The following CPT1A variants were observed in gnomAD, a reference collection of about 807,000 sequenced individuals.
The protein encoded by CPT1A is carnitine palmitoyltransferase 1A, also known as carnitine O-palmitoyltransferase 1, liver isoform.
A neutral mutation model predicts 100.8 loss-of-function variants in CPT1A; 64 were observed. That is an observed-to-expected ratio of 0.63 (90% CI 0.52 to 0.78). The LOEUF is 0.78. Among genes scored for constraint, CPT1A ranks in the 30% least tolerant of loss-of-function variants. CPT1A has a pLI of 0.00. For synonymous variants in CPT1A, 363 were observed against 396.0 expected, an observed-to-expected ratio of 0.92 and a Z score of 0.99; for missense variants, 802 against 1,034.1, an observed-to-expected ratio of 0.78 and a Z score of 3.08.
intron 1 of CPT1A, among the ~76,000 whole-genome samples, chr11:68,840,560 C>A (rs528946464): frequency 6.6e-6 from 1 of 152,212 alleles, no homozygotes; most frequent in Non-Finnish European, 1.5e-5. Context: ...CGAGAGGAAC[C>A]GAAAGCCTGT....
intron 2 of CPT1A, among the ~76,000 whole-genome samples, 193 bp downstream of exon 2, chr11:68,815,141 G>T (rs1053089663): frequency 3.3e-5 from 5 of 152,140 alleles, no homozygotes; most frequent in Non-Finnish European, 1.5e-5. Flanking sequence ...CCCTCCACCT[G>T]CCTAATGGAA....
intron 12 of CPT1A, 134 bp downstream of exon 12, chr11:68,780,506 A>G (rs533467228): frequency 1.4e-5 from 10 of 716,658 alleles, no homozygotes; most frequent in Non-Finnish European, 2.2e-5. Context: ...CTGGTCTTGA[A>G]CTCCTGACCT....
chr11:68,800,896 C>T (rs2154000318), intron 5 of CPT1A, among the ~76,000 whole-genome samples: 1 of 152,264 alleles, frequency 6.6e-6, no homozygotes, highest in Non-Finnish European at 1.5e-5. Context: ...AGGAGGACTG[C>T]TTGAGCCCAG....
intron 1 of CPT1A, among the ~76,000 whole-genome samples, chr11:68,832,041 C>A (rs1856894552): frequency 6.6e-6 from 1 of 152,190 alleles, no homozygotes; most frequent in Non-Finnish European, 1.5e-5. Context: ...TTCCCACTAG[C>A]ACCCTAGGAA....
intron 12 of CPT1A, among the ~76,000 whole-genome samples, chr11:68,778,930 T>C (rs1049912845): frequency 4.0e-5 from 6 of 151,618 alleles, no homozygotes; most frequent in Non-Finnish European, 5.9e-5. Context: ...GGACTACAGG[T>C]GCCAGCCACC....
intron 9 of CPT1A, among the ~76,000 whole-genome samples, chr11:68,787,781 A>C (rs1855506162): frequency 6.6e-6 from 1 of 152,004 alleles, no homozygotes; most frequent in Admixed American, 6.6e-5. Flanking sequence ...GTCTCTACTA[A>C]AAAATTACAA....
In CPT1A at chr11:68,841,653, G is replaced by T; in HGVS notation, c.-14+122C>A. The T allele has an allele frequency of 2.1e-6, 1 of 468,540 alleles. No homozygotes were observed. The highest frequency in any genetic ancestry group is 2.8e-6 in the Non-Finnish European group (1 of 356,558). 29.0% of individuals were successfully genotyped at this position (468,540 alleles called of 1,614,324 possible). A position where few individuals can be genotyped will look rare whatever the true frequency, so the allele number is the denominator to read the frequency against. On this transcript the variant is annotated intron_variant, in intron 1 of 18. Transcript: ENST00000265641. This position sits in a 1 kb window ranked among gnomAD's most constrained non-coding sequence, Gnocchi z 6.3. ...ATACCGGGGTTCCTCTCGGCGCCCC[G>T]GTTCCGGCGGCGTCCCCCACCCGGT...
At chr11:68,781,139 A>T (rs1320281273) in intron 11 of CPT1A, among the ~76,000 whole-genome samples, 1 of 152,296 alleles carries the variant, frequency 6.6e-6, no homozygotes, top group East Asian at 1.9e-4. Context: ...AGATAGCCAC[A>T]TGCCAACACC....
chr11:68,784,435 G>A (rs1338488176), intron 10 of CPT1A, among the ~76,000 whole-genome samples: 2 of 152,186 alleles, frequency 1.3e-5, no homozygotes, highest in Non-Finnish European at 2.9e-5. Context: ...TGGAGAGGTT[G>A]AGGCAGGAGA....
chr11:68,841,787 G>A lies in CPT1A; in HGVS notation c.-26C>T. Reference sequence around the variant, plus strand: ...GACCGGGCCTCACCGAGTCAGCTACGGAGGTGCGGCAGCGGCAGCGGCAGC... The same window carrying A: ...GACCGGGCCTCACCGAGTCAGCTACAGAGGTGCGGCAGCGGCAGCGGCAGC... On this transcript the variant is annotated 5_prime_UTR_variant, in exon 1 of 19. Transcript: ENST00000265641. The surrounding 1 kb of genome is among the most constrained non-coding windows in gnomAD (Gnocchi z 6.3). 1 of 996,490 alleles carries A rather than the reference G, an allele frequency of 1.0e-6. No individual in the cohort carries two copies. The highest frequency in any genetic ancestry group is 1.2e-6 in the Non-Finnish European group (1 of 839,378). The allele number at this position is 996,490 out of a possible 1,614,324, so 61.7% of individuals were successfully genotyped here. A position where few individuals can be genotyped will look rare whatever the true frequency, so the allele number is the denominator to read the frequency against.
At chr11:68,767,483 G>A (rs758200162) in intron 14 of CPT1A, among the ~76,000 whole-genome samples, 1 of 152,084 alleles carries the variant, frequency 6.6e-6, no homozygotes, top group Non-Finnish European at 1.5e-5. Context: ...CAGCTACCTG[G>A]GAGACTGAGG....
At chr11:68,836,546 G>A (rs1198915123) in intron 1 of CPT1A, among the ~76,000 whole-genome samples, 1 of 151,890 alleles carries the variant, frequency 6.6e-6, no homozygotes, top group Non-Finnish European at 1.5e-5. Context: ...GGTGAGTCAG[G>A]CAGATCACCT....
At chr11:68,820,011 T>G (rs1856535688) in intron 1 of CPT1A, among the ~76,000 whole-genome samples, 1 of 86,532 alleles carries the variant, frequency 1.2e-5, no homozygotes, top group African/African-American at 3.8e-5. Flanking sequence ...AGCTACAGTT[T>G]GCACGTTTGT....
At chr11:68,782,065 A>T in intron 10 of CPT1A, 106 bp from the exon 11 acceptor site, 1 of 1,098,316 alleles carries the variant, frequency 9.1e-7, no homozygotes, top group Non-Finnish European at 1.4e-6. Context: ...GAATTTCTCG[A>T]AGGAAAACTC....
chr11:68,764,584 A>C (rs1594319473), intron 14 of CPT1A, among the ~76,000 whole-genome samples: 1 of 152,090 alleles, frequency 6.6e-6, no homozygotes, highest in East Asian at 1.9e-4. Context: ...AGTCAGACAG[A>C]GCACAGGACC....
chr11:68,794,707 G>A (rs1348164200), intron 8 of CPT1A, 97 bp downstream of exon 8: 13 of 1,098,820 alleles, frequency 1.2e-5, no homozygotes, highest in East Asian at 7.3e-5. Context: ...CCCTGTGCCC[G>A]GCCACAAACT....
At chr11:68,761,993 G>A (rs1854639405) in intron 15 of CPT1A, among the ~76,000 whole-genome samples, 1 of 152,142 alleles carries the variant, frequency 6.6e-6, no homozygotes, top group Non-Finnish European at 1.5e-5. Flanking sequence ...GAAAGCACCT[G>A]CACGCTCTGG....
intron 16 of CPT1A, among the ~76,000 whole-genome samples, 193 bp downstream of exon 16, chr11:68,761,342 G>C (rs1379563607): frequency 6.6e-6 from 1 of 151,234 alleles, no homozygotes; most frequent in Non-Finnish European, 1.5e-5. Context: ...GGCTACATGT[G>C]ACAGCGAAGT....
chr11:68,813,933 A>T (rs951532343), intron 2 of CPT1A, among the ~76,000 whole-genome samples: 2 of 152,280 alleles, frequency 1.3e-5, no homozygotes, highest in Admixed American at 1.3e-4. Context: ...GTGCAGCTGT[A>T]CTGGCTCCCA....
Sources: allele counts gnomAD v4.1 joint callset (sites outside exome capture counted in the v4.1 genomes callset), GRCh38; gene constraint gnomAD v4.1.1; non-coding constraint Gnocchi (gnomAD v3.1); transcripts MANE v1.5; gene names NCBI Gene and HGNC (gene_info 2026-07-23, HGNC 2026-07-21).